The following NPAS2 variants were observed in gnomAD, a reference collection of about 807,000 sequenced individuals.
The protein encoded by NPAS2 is neuronal PAS domain protein 2.
Under a neutral mutation model 107.5 loss-of-function variants are expected in NPAS2, and 23 were observed. The observed-to-expected ratio is 0.21, with a 90% CI of 0.15 to 0.30. The LOEUF (loss-of-function observed/expected upper bound fraction) is 0.30. Ranked by LOEUF, NPAS2 falls within the 10% of genes least tolerant of loss-of-function variation. NPAS2 has a pLI of 1.00. For synonymous variants in NPAS2, 403 were observed against 417.5 expected, an observed-to-expected ratio of 0.97 and a Z score of 0.42; for missense variants, 756 against 1,043.3, an observed-to-expected ratio of 0.72 and a Z score of 3.79.
At chr2:100,974,152 C>T (rs1190535782) in intron 12 of NPAS2, among the ~76,000 whole-genome samples, 1 of 152,176 alleles carries the variant, frequency 6.6e-6, no homozygotes, top group Non-Finnish European at 1.5e-5. Flanking sequence ...CCAACCCAGC[C>T]CCTGTTTTCA....
intron 1 of NPAS2, among the ~76,000 whole-genome samples, chr2:100,882,610 C>G (rs1680439556): frequency 1.3e-5 from 2 of 149,112 alleles, no homozygotes; most frequent in Non-Finnish European, 3.0e-5. Context: ...GAGACTCCGT[C>G]TCAAAACAAA....
At chr2:100,853,862 G>A (rs1421386641) in intron 1 of NPAS2, among the ~76,000 whole-genome samples, 4 of 151,936 alleles carry the variant, frequency 2.6e-5, no homozygotes, top group East Asian at 1.9e-4. Context: ...AACAAGCGCT[G>A]TGCAGCATTG....
chr2:100,845,581 C>A (rs1677726008), intron 1 of NPAS2, among the ~76,000 whole-genome samples: 1 of 152,218 alleles, frequency 6.6e-6, no homozygotes, highest in African/African-American at 2.4e-5. Context: ...TGGATGCCAG[C>A]TGGGGCCACA....
chr2:100,898,893 C>T (rs1296268206), intron 1 of NPAS2, among the ~76,000 whole-genome samples: 2 of 151,970 alleles, frequency 1.3e-5, no homozygotes, highest in Admixed American at 6.6e-5. Context: ...CCACTTCAGT[C>T]GGGTGGCCAA....
chr2:100,934,219 T>A (rs2104949576), intron 4 of NPAS2: 1 of 152,352 alleles, frequency 6.6e-6, no homozygotes, highest in African/African-American at 2.4e-5. Context: ...TATGCTAATT[T>A]ACATAAATCG....
At chr2:100,940,083 C>G (rs1674486782) in intron 5 of NPAS2, among the ~76,000 whole-genome samples, 1 of 152,246 alleles carries the variant, frequency 6.6e-6, no homozygotes, top group Non-Finnish European at 1.5e-5. Context: ...TCACCAGGAT[C>G]TTCCTTTGCA....
At chr2:100,936,971 C>T (rs1684345304) in intron 4 of NPAS2, among the ~76,000 whole-genome samples, 1 of 126,522 alleles carries the variant, frequency 7.9e-6, no homozygotes, top group Non-Finnish European at 1.6e-5. Flanking sequence ...GACAGTGAGA[C>T]TCCATCTCAA....
chr2:100,906,341 G>A (rs183844938), intron 2 of NPAS2, among the ~76,000 whole-genome samples: 184 of 152,296 alleles, frequency 1.2e-3, no homozygotes, highest in Non-Finnish European at 1.9e-3. Context: ...CATAGCTATG[G>A]ATGGAGCGCT....
intron 15 of NPAS2, among the ~76,000 whole-genome samples, chr2:100,978,990 G>A (rs888106483): frequency 6.6e-6 from 1 of 152,218 alleles, no homozygotes; most frequent in East Asian, 1.9e-4. Flanking sequence ...ATGGCCACAG[G>A]CTAGAGCTGC....
In NPAS2 at chr2:100,840,825, A is replaced by G. The variant is rs13423446; in HGVS notation, c.-23+20411A>G. 6.6e-3 allele frequency among the ~76,000 whole-genome samples: 997 copies of G among 152,128 alleles called. 5 individuals are homozygous for G. The highest frequency in any genetic ancestry group is 0.023 in the African/African-American group (954 of 41,494). On this transcript the variant is annotated intron_variant, in intron 1 of 20. Coordinates refer to ENST00000335681, the MANE Select transcript of NPAS2 (RefSeq NM_002518.4). Reference sequence around the variant, plus strand: ...AAGGGGCAAACAGCAGTTTGATTCCATTTTTGTTTAAAAAAATGGAAAAGT... The same window carrying G: ...AAGGGGCAAACAGCAGTTTGATTCCGTTTTTGTTTAAAAAAATGGAAAAGT...
At chr2:100,897,752 T>C (rs916397476) in intron 1 of NPAS2, among the ~76,000 whole-genome samples, 3 of 152,228 alleles carry the variant, frequency 2.0e-5, no homozygotes, top group Admixed American at 2.0e-4. Context: ...CTGTGTTTAC[T>C]TATTTGCTTG....
chr2:100,942,048 G>A (rs935142202), intron 5 of NPAS2, among the ~76,000 whole-genome samples: 13 of 152,110 alleles, frequency 8.5e-5, no homozygotes, highest in African/African-American at 3.1e-4. Context: ...TGGCACGGGT[G>A]GGGAGTGCCT....
intron 1 of NPAS2, among the ~76,000 whole-genome samples, chr2:100,890,602 C>G (rs1398368987): frequency 6.6e-6 from 1 of 151,992 alleles, no homozygotes; most frequent in Admixed American, 6.6e-5. Flanking sequence ...TTCTCATGCC[C>G]CAGGGCCTTT....
At chr2:100,938,952 G>A (rs1214151245) in intron 5 of NPAS2, among the ~76,000 whole-genome samples, 1 of 152,190 alleles carries the variant, frequency 6.6e-6, no homozygotes, top group East Asian at 1.9e-4. Context: ...AAAGAGGAAG[G>A]CTTGCCCTGG....
intron 1 of NPAS2, among the ~76,000 whole-genome samples, chr2:100,870,154 C>A (rs1679494050): frequency 6.6e-6 from 1 of 152,154 alleles, no homozygotes; most frequent in Admixed American, 6.5e-5. Context: ...CCGCCTTGGC[C>A]TCCCAAAGTG....
chr2:100,853,694 G>C (rs1239340924), intron 1 of NPAS2, among the ~76,000 whole-genome samples: 1 of 152,198 alleles, frequency 6.6e-6, no homozygotes, highest in Non-Finnish European at 1.5e-5. Flanking sequence ...TGCTGCAGGG[G>C]CAGTGAGGTA....
At chr2:100,974,064 ACTC>A (rs1311688648) in intron 12 of NPAS2, among the ~76,000 whole-genome samples, 2 of 151,610 alleles carry the variant, frequency 1.3e-5, no homozygotes, top group Admixed American at 1.3e-4. Flanking sequence ...CTGGTCTCGA[ACTC>A]CTGACCTCAA....
At chr2:100,959,583 A>G (rs1675802713) in intron 7 of NPAS2, among the ~76,000 whole-genome samples, 1 of 152,124 alleles carries the variant, frequency 6.6e-6, no homozygotes, top group East Asian at 1.9e-4. Context: ...GCAGAAAGTT[A>G]TTTTCCCCTC....
Position 100,904,878 on chromosome 2 carries a change from G to A in NPAS2, c.32+92G>A, listed in dbSNP as rs1682039527. On this transcript the variant is annotated intron_variant, in intron 2 of 20. Transcript: ENST00000335681. Reference sequence around the variant, plus strand: ...TCGCTGGCTTTCACTCTGTGCAGGTGAGGCCACCAGCAAGATAGGCAGCTG... The same window carrying A: ...TCGCTGGCTTTCACTCTGTGCAGGTAAGGCCACCAGCAAGATAGGCAGCTG... 5.8e-6 allele frequency: 5 copies of A among 864,220 alleles called. No homozygotes were observed. In the East Asian group the frequency reaches 9.7e-5, roughly 17 times the overall value. The allele number at this position is 864,220 out of a possible 1,614,324, so 53.5% of individuals were successfully genotyped here. A position where few individuals can be genotyped will look rare whatever the true frequency, so the allele number is the denominator to read the frequency against.
Sources: allele counts gnomAD v4.1 joint callset (sites outside exome capture counted in the v4.1 genomes callset), GRCh38; gene constraint gnomAD v4.1.1; transcripts MANE v1.5; gene names NCBI Gene and HGNC (gene_info 2026-07-23, HGNC 2026-07-21).